IL1RAPL2: variants seen among roughly 807,000 people sequenced by gnomAD.
The protein encoded by IL1RAPL2 is interleukin 1 receptor accessory protein like 2.
IL1RAPL2 carries 3 observed loss-of-function variants against 44.1 expected under a neutral mutation model. The ratio of observed to expected loss-of-function variants is 0.07; its 90% CI spans 0.03 to 0.18. The LOEUF (loss-of-function observed/expected upper bound fraction) is 0.18, where lower values mean the gene tolerates loss of function less well. IL1RAPL2 is among the 10% of genes least tolerant of loss of function. The pLI, the probability that IL1RAPL2 is intolerant of heterozygous loss-of-function variation, is 1.00. For missense variants in IL1RAPL2, 391 were observed against 496.4 expected, an observed-to-expected ratio of 0.79 and a Z score of 2.02; for synonymous variants, 181 against 178.8, an observed-to-expected ratio of 1.01 and a Z score of -0.10.
intron 5 of IL1RAPL2, among the ~76,000 whole-genome samples, chrX:105,435,811 A>G (rs2035877944): frequency 9.0e-6 from 1 of 111,336 alleles, no homozygotes; most frequent in African/African-American, 3.3e-5. Context: ...CAAACACTGC[A>G]TGTTCTCACT....
intron 2 of IL1RAPL2, among the ~76,000 whole-genome samples, chrX:104,707,733 G>A (rs764520115): frequency 1.7e-4 from 19 of 111,549 alleles, no homozygotes; most frequent in Non-Finnish European, 3.2e-4. Flanking sequence ...TTACAATGTG[G>A]AGTGACTAAA....
chrX:105,494,691 G>C (rs903135914), intron 6 of IL1RAPL2, among the ~76,000 whole-genome samples: 5 of 111,151 alleles, frequency 4.5e-5, no homozygotes, highest in African/African-American at 1.6e-4. Context: ...GTCTCGCTCT[G>C]TCACCCAGGC....
intron 5 of IL1RAPL2, among the ~76,000 whole-genome samples, chrX:105,391,946 G>C (rs1458459669): frequency 2.5e-5 from 2 of 80,589 alleles, no homozygotes; most frequent in East Asian, 8.3e-4. Flanking sequence ...ATTGAACAAT[G>C]AGAACACATG....
At chrX:105,008,054 AC>A (rs1875752368) in intron 2 of IL1RAPL2, among the ~76,000 whole-genome samples, 1 of 113,548 alleles carries the variant, frequency 8.8e-6, no homozygotes, top group Admixed American at 9.3e-5. Flanking sequence ...ACCGTATACT[AC>A]AGATTGAGTA....
At chrX:104,658,358 C>T (rs756439410) in intron 1 of IL1RAPL2, among the ~76,000 whole-genome samples, 2 of 111,954 alleles carry the variant, frequency 1.8e-5, no homozygotes, top group South Asian at 7.5e-4. Context: ...AGCAAACTAT[C>T]ACAAGGACAG....
At chrX:105,603,418 A>C (rs1602485590) in intron 6 of IL1RAPL2, among the ~76,000 whole-genome samples, 1 of 111,820 alleles carries the variant, frequency 8.9e-6, no homozygotes, top group East Asian at 2.8e-4. Flanking sequence ...TTTAAGTCAA[A>C]AACTGTTAAA....
intron 5 of IL1RAPL2, among the ~76,000 whole-genome samples, chrX:105,318,192 C>T (rs1367265498): frequency 9.0e-6 from 1 of 110,891 alleles, no homozygotes; most frequent in Non-Finnish European, 1.9e-5. Flanking sequence ...CCAGGATGGT[C>T]TGGATCTGCT....
intron 1 of IL1RAPL2, among the ~76,000 whole-genome samples, chrX:104,636,188 G>T (rs1465345808): frequency 8.9e-6 from 1 of 111,850 alleles, no homozygotes; most frequent in Non-Finnish European, 1.9e-5. Flanking sequence ...GTTGCTGCCT[G>T]GTCGTTCCTC....
intron 2 of IL1RAPL2, among the ~76,000 whole-genome samples, chrX:104,852,394 T>C (rs1922249571): frequency 8.9e-6 from 1 of 112,148 alleles, no homozygotes; most frequent in Non-Finnish European, 1.9e-5. Context: ...AGAAGTATTT[T>C]TTGTGTATGT....
In IL1RAPL2 at chrX:104,965,950, A is replaced by T. The variant is rs773787179; in HGVS notation, c.83-229525A>T. Among the ~76,000 whole-genome samples the T allele has an allele frequency of 2.8e-5, 3 of 108,370 alleles. No homozygotes were observed. In the South Asian group the frequency reaches 1.1e-3, roughly 40 times the overall value. 94.1% of individuals were successfully genotyped at this position (108,370 alleles called of 115,157 possible). On this transcript the variant is annotated intron_variant, in intron 2 of 10. Coordinates refer to ENST00000372582, the MANE Select transcript of IL1RAPL2 (RefSeq NM_017416.2). ...ATTTATCATATACCTAGAGTTTCAAATGTAAAGAAAAAGTAAGATTAGGAG... is the reference window on the plus strand; with the variant it reads ...ATTTATCATATACCTAGAGTTTCAATTGTAAAGAAAAAGTAAGATTAGGAG...
chrX:104,915,910 T>C (rs766206306), intron 2 of IL1RAPL2, among the ~76,000 whole-genome samples: 35 of 111,914 alleles, frequency 3.1e-4, no homozygotes, highest in Admixed American at 8.5e-4. Context: ...AGGGCTCTGT[T>C]CTGTTCCATT....
At chrX:105,198,875 T>C (rs548954955) in intron 3 of IL1RAPL2, among the ~76,000 whole-genome samples, 5 of 112,104 alleles carry the variant, frequency 4.5e-5, no homozygotes, top group African/African-American at 1.6e-4. Context: ...AAAGGTAGAA[T>C]ACCATCCTCA....
At chrX:105,086,277 A>T (rs376992271) in intron 2 of IL1RAPL2, among the ~76,000 whole-genome samples, 4 of 111,459 alleles carry the variant, frequency 3.6e-5, no homozygotes, top group African/African-American at 9.8e-5. Context: ...ACACACACAC[A>T]CACACAGTGG....
At chrX:105,018,326 A>C (rs16984599) in intron 2 of IL1RAPL2, among the ~76,000 whole-genome samples, 7,385 of 110,677 alleles carry the variant, frequency 0.067, 653 homozygotes, top group African/African-American at 0.23. Flanking sequence ...TTATCCTGTG[A>C]CTTTTTATGT....
At chrX:105,416,881 T>C (rs1250163797) in intron 5 of IL1RAPL2, among the ~76,000 whole-genome samples, 1 of 112,174 alleles carries the variant, frequency 8.9e-6, no homozygotes, top group African/African-American at 3.2e-5. Context: ...AAGCAGAACA[T>C]CAAAGCTGGT....
chrX:104,586,730 A>G (rs755947349), intron 1 of IL1RAPL2, among the ~76,000 whole-genome samples: 4 of 111,901 alleles, frequency 3.6e-5, no homozygotes, highest in Admixed American at 9.5e-5. Flanking sequence ...TTTGACCAAA[A>G]GCATTGTGTT....
At chrX:104,899,895 G>A (rs1158867839) in intron 2 of IL1RAPL2, among the ~76,000 whole-genome samples, 1 of 112,114 alleles carries the variant, frequency 8.9e-6, no homozygotes, top group East Asian at 2.8e-4. Context: ...AGACCATTAT[G>A]TTGGTACCCA....
intron 5 of IL1RAPL2, among the ~76,000 whole-genome samples, chrX:105,458,960 T>C (rs62604969): frequency 1.8e-5 from 2 of 111,625 alleles, no homozygotes; most frequent in African/African-American, 3.2e-5. Context: ...CTATTGGCTG[T>C]TAAGGATACC....
intron 5 of IL1RAPL2, among the ~76,000 whole-genome samples, chrX:105,377,017 C>T (rs1432719837): frequency 1.8e-5 from 2 of 111,723 alleles, no homozygotes; most frequent in Admixed American, 9.5e-5. Flanking sequence ...AAAGTAATTC[C>T]ATCTTCTGCC....
Sources: allele counts gnomAD v4.1 joint callset (sites outside exome capture counted in the v4.1 genomes callset), GRCh38; gene constraint gnomAD v4.1.1; transcripts MANE v1.5; gene names NCBI Gene and HGNC (gene_info 2026-07-23, HGNC 2026-07-21).